SLC26A11: variants seen among roughly 807,000 people sequenced by gnomAD.
SLC26A11 encodes the protein sodium-independent sulfate anion transporter.
In SLC26A11, 58 loss-of-function variants were observed where a neutral mutation model predicts 62.2. That is an observed-to-expected ratio of 0.93 (90% CI 0.76 to 1.16). The LOEUF (loss-of-function observed/expected upper bound fraction) is 1.16, where lower values mean the gene tolerates loss of function less well. SLC26A11 is among the 50% of genes most tolerant of loss of function. The pLI is 0.00. For missense variants in SLC26A11, 790 were observed against 794.3 expected, an observed-to-expected ratio of 0.99 and a Z score of 0.06; for synonymous variants, 411 against 368.9, an observed-to-expected ratio of 1.11 and a Z score of -1.31.
chr17:80,241,719 T>G, intron 9 of SLC26A11, 52 bp from the exon 10 acceptor site: 1 of 1,572,792 alleles, frequency 6.4e-7, no homozygotes, highest in East Asian at 2.2e-5. Flanking sequence ...TGAATACTTT[T>G]TGAGCGATGT....
At position 80,227,910 on chromosome 17, in the gene SLC26A11, T is replaced by C. The variant is rs1282122411; in HGVS notation, c.686T>C (p.Met229Thr). 1 of 1,601,370 alleles carries C rather than the reference T, an allele frequency of 6.2e-7. No individual in the cohort carries two copies. The highest frequency in any genetic ancestry group is 2.2e-5 in the East Asian group (1 of 44,862). Reference sequence around the variant, plus strand: ...CACGTGCCTCCCGTCCACCCCGAGATGCCCCCTGGTGTGCGGCTCAGCCGT... The same window carrying C: ...CACGTGCCTCCCGTCCACCCCGAGACGCCCCCTGGTGTGCGGCTCAGCCGT... Reference protein sequence around the residue: ...RDHVPPVHPEMPPGVRLSRGL... With the variant: ...RDHVPPVHPETPPGVRLSRGL... The change falls in exon 7 of 18, where the codon ATG (methionine) becomes ACG (threonine). Residue 229 changes from methionine to threonine, a missense_variant. Transcript: ENST00000361193.
chr17:80,246,110 T>C lies in SLC26A11; in HGVS notation c.1098-44T>C. ...CAGGAGTGTGGACTGAGGTCTCCCT[T>C]TTCCCGGCCCCTGGTGACTGACGGT... On this transcript the variant is annotated intron_variant, in intron 11 of 17. Coordinates refer to ENST00000361193, the MANE Select transcript of SLC26A11 (RefSeq NM_001166347.2). This position sits in a 1 kb window ranked among gnomAD's most constrained non-coding sequence, Gnocchi z 4.4. 1.2e-6 allele frequency: 2 copies of C among 1,611,698 alleles called. No homozygotes were observed. Among genetic ancestry groups the C allele is most frequent in the South Asian group, 1.1e-5 (1 of 91,022 alleles).
intron 5 of SLC26A11, among the ~76,000 whole-genome samples, chr17:80,224,444 A>T (rs7405852): frequency 9.5e-5 from 14 of 146,776 alleles, no homozygotes; most frequent in South Asian, 2.2e-4. Context: ...TGGGTGTGAG[A>T]GTGTGAGTGT....
At position 80,234,470 on chromosome 17, in the gene SLC26A11, T is replaced by G. The variant is rs201976932; in HGVS notation, c.737-2458T>G. 5.0e-4 allele frequency among the ~76,000 whole-genome samples: 48 copies of G among 95,260 alleles called. No homozygotes were observed. In the East Asian group the frequency reaches 8.3e-3, roughly 16 times the overall value. 62.5% of individuals were successfully genotyped at this position (95,260 alleles called of 152,430 possible). A position where few individuals can be genotyped will look rare whatever the true frequency, so the allele number is the denominator to read the frequency against. ...CATAATGTGGCTTGATGTAGTGTTT[T>G]TTTGTTTGTTTGTTTTTTGTTTTCT... On this transcript the variant is annotated intron_variant, in intron 7 of 17. Coordinates refer to ENST00000361193, the MANE Select transcript of SLC26A11 (RefSeq NM_001166347.2).
chr17:80,249,149 C>T lies in SLC26A11; in HGVS notation c.1523-5C>T, dbSNP rs2043091676. On this transcript the variant is annotated splice_region_variant and splice_polypyrimidine_tract_variant and intron_variant, in intron 15 of 17. Transcript: ENST00000361193. ...GCGTGACCTGGCTCGGGCCTGTCTCCCCAGTGTCCCCGCCACGCTGCCTGG... is the reference window on the plus strand; with the variant it reads ...GCGTGACCTGGCTCGGGCCTGTCTCTCCAGTGTCCCCGCCACGCTGCCTGG... 1.2e-6 allele frequency: 2 copies of T among 1,604,372 alleles called. No individual in the cohort carries two copies. Among genetic ancestry groups the T allele is most frequent in the African/African-American group, 1.3e-5 (1 of 74,834 alleles).
chr17:80,236,947 C>A lies in SLC26A11; in HGVS notation c.756C>A (p.Val252=). 1 of 1,613,180 alleles carries A rather than the reference C, an allele frequency of 6.2e-7. No individual in the cohort carries two copies. Among genetic ancestry groups the A allele is most frequent in the South Asian group, 1.1e-5 (1 of 91,054 alleles). The change falls in exon 8 of 18, where the codon GTC becomes GTA. Residue 252 remains valine (V), a synonymous_variant. Transcript: ENST00000361193. ...TCCTAGCTCGCAACGCCCTGGTGGT[C>A]TCCTTCGCAGCCCTGGTTGCGTACT... ...AATTARNALV[V]SFAALVAYSF...
At chr17:80,245,360 C>T in intron 11 of SLC26A11, 104 bp downstream of exon 11, 1 of 1,128,390 alleles carries the variant, frequency 8.9e-7, no homozygotes, top group Non-Finnish European at 1.3e-6. Flanking sequence ...CCGTCCTCCA[C>T]TGTGAACGCT....
At chr17:80,244,369 G>A (rs965718031) in intron 10 of SLC26A11, among the ~76,000 whole-genome samples, 1 of 152,212 alleles carries the variant, frequency 6.6e-6, no homozygotes, top group Non-Finnish European at 1.5e-5. Flanking sequence ...CTCGTGAGAC[G>A]GAAAGGAACT....
Position 80,237,095 on chromosome 17 carries a change from A to G in SLC26A11, c.904A>G (p.Met302Val), listed in dbSNP as rs759120372. The change falls in exon 8 of 18, where the codon ATG (methionine) becomes GTG (valine). Residue 302 changes from methionine (M) to valine (V), a missense_variant. Transcript: ENST00000361193. ...CAACGGGACGATCTCCTTCACCGAG[A>G]TGGTGCAGGTGGGCGGAGCCGGGAG... ...TANGTISFTEMVQDMGAGLAV... is the reference protein window; with the variant it reads ...TANGTISFTEVVQDMGAGLAV... 2 of 1,611,528 alleles carry G rather than the reference A, an allele frequency of 1.2e-6. No homozygotes were observed. Among genetic ancestry groups the G allele is most frequent in the Non-Finnish European group, 1.7e-6 (2 of 1,178,468 alleles).
At chr17:80,250,196 G>A (rs191581797) in intron 16 of SLC26A11, among the ~76,000 whole-genome samples, 8 of 152,326 alleles carry the variant, frequency 5.3e-5, no homozygotes, top group Admixed American at 5.2e-4. Context: ...CAGAACGTGG[G>A]GGACTAGGGC....
At chr17:80,226,017 A>G (rs1407077888) in intron 6 of SLC26A11, 101 bp downstream of exon 6, 3 of 1,074,750 alleles carry the variant, frequency 2.8e-6, no homozygotes, top group African/African-American at 1.6e-5. Flanking sequence ...TGACTGCTCA[A>G]ACAGGGGTCC....
chr17:80,248,572 C>A lies in SLC26A11; in HGVS notation c.1423-3C>A. Reference sequence around the variant, plus strand: ...CGCCTCCAGGACTCACTCCTCCCCACAGGTGTCAGAGGGGCCGGTTCTGGT... The same window carrying A: ...CGCCTCCAGGACTCACTCCTCCCCAAAGGTGTCAGAGGGGCCGGTTCTGGT... On this transcript the variant is annotated splice_polypyrimidine_tract_variant and splice_region_variant and intron_variant, in intron 14 of 17. Coordinates refer to ENST00000361193, the MANE Select transcript of SLC26A11 (RefSeq NM_001166347.2). 2 of 1,575,540 alleles carry A rather than the reference C, an allele frequency of 1.3e-6. No homozygotes were observed. Among genetic ancestry groups the A allele is most frequent in the East Asian group, 2.3e-5 (1 of 42,580 alleles).
chr17:80,244,901 G>A (rs1018829333), intron 10 of SLC26A11, among the ~76,000 whole-genome samples: 1 of 151,320 alleles, frequency 6.6e-6, no homozygotes, highest in African/African-American at 2.4e-5. Flanking sequence ...GCTTGAACTG[G>A]GAGGCGGAGG....
intron 2 of SLC26A11, 88 bp from the exon 3 acceptor site, chr17:80,221,460 T>C (rs2042185881): frequency 2.0e-6 from 2 of 981,434 alleles, no homozygotes; most frequent in Admixed American, 2.8e-5. Flanking sequence ...TAGTGACCTC[T>C]CCTGACACCC....
intron 10 of SLC26A11, among the ~76,000 whole-genome samples, chr17:80,242,812 G>A (rs1206244338): frequency 1.3e-5 from 2 of 152,150 alleles, no homozygotes; most frequent in East Asian, 1.9e-4. Context: ...GGGTTCATCC[G>A]ATTCTCCTGC....
intron 7 of SLC26A11, 112 bp from the exon 8 acceptor site, chr17:80,236,816 G>A (rs1567956305): frequency 1.1e-5 from 13 of 1,132,250 alleles, no homozygotes; most frequent in Admixed American, 1.1e-4. Context: ...ACTGTGGCCC[G>A]GTGGGGGCGT....
intron 16 of SLC26A11, among the ~76,000 whole-genome samples, chr17:80,249,704 A>G (rs1024658618): frequency 1.3e-5 from 2 of 152,084 alleles, no homozygotes; most frequent in Non-Finnish European, 2.9e-5. Context: ...TCAGGAGTTC[A>G]AGACCAGCCT....
chr17:80,222,874 G>C lies in SLC26A11; in HGVS notation c.427+27G>C. ...TGAGGCTCTACCTTCTTGCCAAGGGGATGCCCTCGACCTCAGCATTTGCTT... is the reference window on the plus strand; with the variant it reads ...TGAGGCTCTACCTTCTTGCCAAGGGCATGCCCTCGACCTCAGCATTTGCTT... On this transcript the variant is annotated intron_variant, in intron 4 of 17. Transcript: ENST00000361193. The surrounding 1 kb of genome is among the most constrained non-coding windows in gnomAD (Gnocchi z 4.7). 6.2e-7 allele frequency: 1 copy of C among 1,610,296 alleles called. No homozygotes were observed. Among genetic ancestry groups the C allele is most frequent in the Non-Finnish European group, 8.5e-7 (1 of 1,177,680 alleles).
chr17:80,235,244 C>T (rs1474962080), intron 7 of SLC26A11, among the ~76,000 whole-genome samples: 1 of 151,966 alleles, frequency 6.6e-6, no homozygotes, highest in Non-Finnish European at 1.5e-5. Flanking sequence ...AATTTGGTTA[C>T]AGTTATTCTT....
Sources: allele counts gnomAD v4.1 joint callset (sites outside exome capture counted in the v4.1 genomes callset), GRCh38; gene constraint gnomAD v4.1.1; non-coding constraint Gnocchi (gnomAD v3.1); transcripts MANE v1.5; gene names NCBI Gene and HGNC (gene_info 2026-07-23, HGNC 2026-07-21).